Variants in GPC3 observed in about 807,000 individuals in gnomAD.
GPC3 encodes the protein glypican-3.
In GPC3, 3 loss-of-function variants were observed where a neutral mutation model predicts 34.4. That is an observed-to-expected ratio of 0.09 (90% CI 0.04 to 0.23). The LOEUF (loss-of-function observed/expected upper bound fraction) is 0.23, where lower values mean the gene tolerates loss of function less well. Among genes scored for constraint, GPC3 ranks in the 10% least tolerant of loss-of-function variants. The pLI, the probability that GPC3 is intolerant of heterozygous loss-of-function variation, is 1.00. For missense variants in GPC3, 351 were observed against 445.6 expected (o/e 0.79, Z 1.91); for synonymous variants, 177 against 174.0 (o/e 1.02, Z -0.13).
intron 2 of GPC3, among the ~76,000 whole-genome samples, chrX:133,832,878 C>T (rs1487492128): frequency 8.9e-6 from 1 of 112,067 alleles, no homozygotes; most frequent in African/African-American, 3.2e-5. Context: ...TACCACATTG[C>T]CTTTGCCTGC....
At chrX:133,617,793 T>C (rs2124354181) in intron 6 of GPC3, among the ~76,000 whole-genome samples, 1 of 111,426 alleles carries the variant, frequency 9.0e-6, no homozygotes, top group Non-Finnish European at 1.9e-5. Flanking sequence ...CTAGTTATCA[T>C]TATTATTTTT....
chrX:133,666,710 T>C (rs1269465224), intron 5 of GPC3, among the ~76,000 whole-genome samples: 2 of 112,277 alleles, frequency 1.8e-5, no homozygotes, highest in Non-Finnish European at 3.8e-5. Flanking sequence ...AGCACATTAA[T>C]AGGGCAAAGT....
intron 2 of GPC3, among the ~76,000 whole-genome samples, chrX:133,838,164 C>T (rs1174007222): frequency 8.9e-6 from 1 of 112,693 alleles, no homozygotes; most frequent in Non-Finnish European, 1.9e-5. Context: ...TAATAGCCTA[C>T]TTCTCTCTAT....
chrX:133,926,490 T>C (rs1281933555), intron 2 of GPC3, among the ~76,000 whole-genome samples: 1 of 112,327 alleles, frequency 8.9e-6, no homozygotes, highest in Non-Finnish European at 1.9e-5. Context: ...AACAAAACAA[T>C]GAACTAAACC....
At chrX:133,706,269 TA>T (rs2071216074) in intron 3 of GPC3, among the ~76,000 whole-genome samples, 1 of 112,042 alleles carries the variant, frequency 8.9e-6, no homozygotes, top group Non-Finnish European at 1.9e-5. Flanking sequence ...ACTAAGGAAA[TA>T]CACTTCTTGA....
chrX:133,912,500 G>A (rs903926782), intron 2 of GPC3, among the ~76,000 whole-genome samples: 1 of 105,054 alleles, frequency 9.5e-6, no homozygotes, highest in Non-Finnish European at 2.0e-5. Flanking sequence ...GGGAGATTTT[G>A]AAGGAATTGG....
At chrX:133,605,177 G>T (rs1474809891) in intron 6 of GPC3, among the ~76,000 whole-genome samples, 1 of 109,017 alleles carries the variant, frequency 9.2e-6, no homozygotes, top group South Asian at 4.1e-4. Context: ...ACACGTGGGG[G>T]GGGGGCAATA....
At chrX:133,920,671 C>T (rs1212395764) in intron 2 of GPC3, among the ~76,000 whole-genome samples, 1 of 111,814 alleles carries the variant, frequency 8.9e-6, no homozygotes, top group African/African-American at 3.2e-5. Flanking sequence ...CTATCCCAAT[C>T]CTATGTATTT....
chrX:133,873,155 C>T (rs752670785), intron 2 of GPC3, among the ~76,000 whole-genome samples: 1 of 112,111 alleles, frequency 8.9e-6, no homozygotes, highest in Non-Finnish European at 1.9e-5. Flanking sequence ...AGGTAACAGA[C>T]GGCTAAGACC....
At chrX:133,744,123 A>C (rs2071589276) in intron 3 of GPC3, among the ~76,000 whole-genome samples, 1 of 112,170 alleles carries the variant, frequency 8.9e-6, no homozygotes, top group Non-Finnish European at 1.9e-5. Flanking sequence ...AATGACTAAA[A>C]CACCAAAAGC....
At chrX:133,657,897 G>A (rs1433737270) in intron 6 of GPC3, among the ~76,000 whole-genome samples, 3 of 74,630 alleles carry the variant, frequency 4.0e-5, no homozygotes, top group African/African-American at 9.8e-5. Context: ...GGGCATACAT[G>A]CAGAGAGAGA....
At chrX:133,769,766 C>T (rs137864606) in intron 2 of GPC3, among the ~76,000 whole-genome samples, 37 of 111,665 alleles carry the variant, frequency 3.3e-4, no homozygotes, top group African/African-American at 1.2e-3. Flanking sequence ...AGTGCAAAGT[C>T]GAAGAAATGA....
At chrX:133,624,122 C>T (rs1255522215) in intron 6 of GPC3, among the ~76,000 whole-genome samples, 1 of 111,649 alleles carries the variant, frequency 9.0e-6, no homozygotes, top group Non-Finnish European at 1.9e-5. Context: ...AGAACAAAGA[C>T]ACAACATACC....
At chrX:133,951,500 A>G (rs1457147092) in intron 2 of GPC3, among the ~76,000 whole-genome samples, 1 of 111,362 alleles carries the variant, frequency 9.0e-6, no homozygotes, top group East Asian at 2.8e-4. Flanking sequence ...CTAAAAAGGG[A>G]CCTTGATGCC....
intron 2 of GPC3, among the ~76,000 whole-genome samples, chrX:133,773,088 C>T (rs1056799383): frequency 9.0e-6 from 1 of 110,566 alleles, no homozygotes; most frequent in Non-Finnish European, 1.9e-5. Context: ...GATGGAGTTT[C>T]GCTCTTCTTG....
At chrX:133,914,224 A>G (rs752898794) in intron 2 of GPC3, among the ~76,000 whole-genome samples, 1 of 111,533 alleles carries the variant, frequency 9.0e-6, no homozygotes, top group East Asian at 2.8e-4. Context: ...TATAACAAGC[A>G]AGGTCCTAAA....
intron 5 of GPC3, among the ~76,000 whole-genome samples, chrX:133,688,131 T>C (rs1231144604): frequency 8.9e-6 from 1 of 112,501 alleles, no homozygotes; most frequent in Non-Finnish European, 1.9e-5. Context: ...TCAAGGACTC[T>C]CTAATTGAAA....
intron 2 of GPC3, among the ~76,000 whole-genome samples, chrX:133,893,089 C>T (rs111683212): frequency 0.012 from 1,367 of 110,929 alleles, 20 homozygotes; most frequent in African/African-American, 0.041. Context: ...AACCCTGTCT[C>T]TACTAAAAAT....
chrX:133,731,801 C>T (rs1322438159), intron 3 of GPC3, among the ~76,000 whole-genome samples: 2 of 112,757 alleles, frequency 1.8e-5, no homozygotes, highest in East Asian at 2.8e-4. Flanking sequence ...GCCCTGTCTA[C>T]GTTAAGCCTT....
Sources: gnomAD v4.1 joint callset for allele counts (sites outside exome capture counted in the v4.1 genomes callset) on GRCh38, gnomAD v4.1.1 for gene constraint, MANE v1.5 for transcripts, NCBI Gene and HGNC (gene_info 2026-07-23, HGNC 2026-07-21) for gene names.